Variants in MNAT1 observed in about 807,000 individuals in gnomAD.
MNAT1 encodes CDK-activating kinase assembly factor MAT1.
Under a neutral mutation model 42.0 loss-of-function variants are expected in MNAT1, and 43 were observed. That is an observed-to-expected ratio of 1.02 (90% CI 0.80 to 1.32). The LOEUF is 1.32. Ranked by LOEUF, MNAT1 falls within the 40% of genes most tolerant of loss-of-function variation. The probability of loss-of-function intolerance (pLI) is 0.00; values close to 1 mark genes in which losing one functional copy is unlikely to be tolerated. For missense variants in MNAT1, 306 were observed against 350.4 expected, an observed-to-expected ratio of 0.87 and a Z score of 1.01; for synonymous variants, 118 against 120.0, an observed-to-expected ratio of 0.98 and a Z score of 0.11.
intron 7 of MNAT1, among the ~76,000 whole-genome samples, chr14:60,901,575 A>G (rs1240303692): frequency 3.3e-5 from 5 of 152,356 alleles, no homozygotes; most frequent in East Asian, 3.9e-4. Context: ...TCTAGAAGCC[A>G]TTAGGAATAT....
chr14:60,908,490 A>C (rs1418751488), intron 7 of MNAT1, among the ~76,000 whole-genome samples: 8 of 144,062 alleles, frequency 5.6e-5, no homozygotes, highest in Admixed American at 1.4e-4. Context: ...ACCCCACAAC[A>C]GGCCCCGGTG....
chr14:60,741,073 C>G (rs1896445505), intron 1 of MNAT1, among the ~76,000 whole-genome samples: 1 of 152,148 alleles, frequency 6.6e-6, no homozygotes, highest in African/African-American at 2.4e-5. Flanking sequence ...CTTCCTAATA[C>G]ATTTCTCCTT....
chr14:60,890,086 C>A (rs1176353826), intron 7 of MNAT1, among the ~76,000 whole-genome samples: 1 of 152,146 alleles, frequency 6.6e-6, no homozygotes, highest in African/African-American at 2.4e-5. Context: ...TTTGACCCAG[C>A]CATCCCATTA....
chr14:60,796,113 A>T, intron 1 of MNAT1, 104 bp from the exon 2 acceptor site: 1 of 909,768 alleles, frequency 1.1e-6, no homozygotes, highest in Non-Finnish European at 1.5e-6. Flanking sequence ...AGAAGTGACT[A>T]GTTTTCAAGT....
intron 7 of MNAT1, chr14:60,919,495 T>C (rs2035606143): frequency 6.5e-6 from 1 of 153,036 alleles, no homozygotes; most frequent in African/African-American, 2.4e-5. Context: ...TGCGTCTTTT[T>C]GGTGAGGTCC....
At chr14:60,941,221 C>A (rs1006374704) in intron 7 of MNAT1, among the ~76,000 whole-genome samples, 15 of 152,136 alleles carry the variant, frequency 9.9e-5, no homozygotes, top group Non-Finnish European at 1.9e-4. Flanking sequence ...GGAAATATTT[C>A]TCTGGCTAGT....
At chr14:60,808,297 TC>T (rs2032440376) in intron 3 of MNAT1, 27 bp from the exon 4 acceptor site, 1 of 1,356,870 alleles carries the variant, frequency 7.4e-7, no homozygotes, top group African/African-American at 1.5e-5. Flanking sequence ...AAAATATTTT[TC>T]ATGTCATCGT....
intron 6 of MNAT1, among the ~76,000 whole-genome samples, chr14:60,852,080 C>T (rs1004782116): frequency 3.9e-5 from 6 of 152,102 alleles, no homozygotes; most frequent in Non-Finnish European, 8.8e-5. Flanking sequence ...AATGGTATTT[C>T]TGGTTCTAGT....
At chr14:60,860,188 TG>T (rs1328930334) in intron 6 of MNAT1, among the ~76,000 whole-genome samples, 1 of 152,162 alleles carries the variant, frequency 6.6e-6, no homozygotes, top group Non-Finnish European at 1.5e-5. Context: ...AACAACAGTC[TG>T]TAGAGATGTG....
At chr14:60,833,638 TC>T (rs2033288424) in intron 6 of MNAT1, among the ~76,000 whole-genome samples, 1 of 152,232 alleles carries the variant, frequency 6.6e-6, no homozygotes, top group South Asian at 2.1e-4. Flanking sequence ...CCTGAAATTT[TC>T]TTTTTTTGTT....
At chr14:60,746,902 A>ATG (rs1224879233) in intron 1 of MNAT1, among the ~76,000 whole-genome samples, 55 of 19,926 alleles carry the variant, frequency 2.8e-3, no homozygotes, top group African/African-American at 0.01. Context: ...CATTTCATAT[A>ATG]TATATATATA....
chr14:60,802,315 T>C (rs2032229361), intron 3 of MNAT1, among the ~76,000 whole-genome samples: 1 of 152,192 alleles, frequency 6.6e-6, no homozygotes. Flanking sequence ...TCAAAATTGC[T>C]AAAAGAGTAG....
intron 6 of MNAT1, among the ~76,000 whole-genome samples, chr14:60,835,667 T>A (rs1382154477): frequency 2.0e-5 from 3 of 152,190 alleles, no homozygotes; most frequent in Admixed American, 6.5e-5. Flanking sequence ...GCCCTTAGCA[T>A]TTTTCCTTCA....
At position 60,751,098 on chromosome 14, in the gene MNAT1, C is replaced by CT. The variant is rs879629156; in HGVS notation, c.89+16159dup. ...TGTATTTTATGTCTCCCTCCACCTTCTTTTTTTTTTTTAATCAAATGGGGA... is the reference window on the plus strand; with the variant it reads ...TGTATTTTATGTCTCCCTCCACCTTCTTTTTTTTTTTTTAATCAAATGGGGA... On this transcript the variant is annotated intron_variant, in intron 1 of 7. Coordinates refer to ENST00000261245, the MANE Select transcript of MNAT1 (RefSeq NM_002431.4). Among the ~76,000 whole-genome samples the CT allele has an allele frequency of 7.7e-4, 110 of 142,704 alleles. 1 individual carries two copies. The highest frequency in any genetic ancestry group is 1.8e-3 in the African/African-American group (69 of 39,164). 93.6% of individuals were successfully genotyped at this position (142,704 alleles called of 152,430 possible). A position where few individuals can be genotyped will look rare whatever the true frequency, so the allele number is the denominator to read the frequency against.
intron 6 of MNAT1, among the ~76,000 whole-genome samples, chr14:60,874,792 T>C (rs1002831072): frequency 1.3e-5 from 2 of 152,178 alleles, no homozygotes; most frequent in Admixed American, 6.6e-5. Flanking sequence ...ATAAGCACTT[T>C]TCATCTAAAA....
At chr14:60,840,054 G>A (rs913163524) in intron 6 of MNAT1, among the ~76,000 whole-genome samples, 7 of 152,212 alleles carry the variant, frequency 4.6e-5, no homozygotes, top group African/African-American at 1.4e-4. Context: ...GGCATCCTGC[G>A]GATCCCTAGA....
intron 6 of MNAT1, among the ~76,000 whole-genome samples, chr14:60,844,265 C>A (rs1288080112): frequency 1.3e-5 from 2 of 152,016 alleles, no homozygotes; most frequent in Non-Finnish European, 2.9e-5. Context: ...TACAAAAATT[C>A]TTGGTAAAAG....
At chr14:60,939,979 T>G (rs1477940396) in intron 7 of MNAT1, among the ~76,000 whole-genome samples, 1 of 152,208 alleles carries the variant, frequency 6.6e-6, no homozygotes, top group Non-Finnish European at 1.5e-5. Flanking sequence ...CCCTTTACCA[T>G]TATGTAATGG....
chr14:60,899,699 A>G (rs1296481557), intron 7 of MNAT1, among the ~76,000 whole-genome samples: 4 of 152,220 alleles, frequency 2.6e-5, no homozygotes, highest in South Asian at 2.1e-4. Flanking sequence ...TTGGCAAAGC[A>G]ATTAAAAAAT....
Sources: gnomAD v4.1 joint callset for allele counts (sites outside exome capture counted in the v4.1 genomes callset) on GRCh38, gnomAD v4.1.1 for gene constraint, MANE v1.5 for transcripts, NCBI Gene and HGNC (gene_info 2026-07-23, HGNC 2026-07-21) for gene names.